The following DCC variants were observed in gnomAD, a reference collection of about 807,000 sequenced individuals.
DCC encodes the protein DCC netrin 1 receptor.
In DCC, 58 loss-of-function variants were observed where a neutral mutation model predicts 172.5. That is an observed-to-expected ratio of 0.34 (90% confidence interval 0.27 to 0.42). The LOEUF is 0.42. DCC is among the 10% of genes least tolerant of loss of function. DCC has a pLI of 1.00. For missense variants in DCC, 1,740 were observed against 1,791.0 expected, an observed-to-expected ratio of 0.97 and a Z score of 0.51; for synonymous variants, 709 against 644.5, an observed-to-expected ratio of 1.10 and a Z score of -1.52.
rs576944656 is a variant in DCC, at chr18:52,395,553, G to A, written c.91+54675G>A. Among the ~76,000 whole-genome samples the A allele has an allele frequency of 1.1e-3, 166 of 152,154 alleles. 1 individual carries two copies. Among genetic ancestry groups the A allele is most frequent in the African/African-American group, 3.9e-3 (160 of 41,526 alleles). On this transcript the variant is annotated intron_variant, in intron 1 of 28. Transcript: ENST00000442544. ...ACTCAGGCCAATAATTTAATCAGGAGAAGATTTATCAGTTGGAGTGACACA... is the reference window on the plus strand; with the variant it reads ...ACTCAGGCCAATAATTTAATCAGGAAAAGATTTATCAGTTGGAGTGACACA...
chr18:52,851,114 G>C (rs2038969447), intron 2 of DCC, among the ~76,000 whole-genome samples: 1 of 152,010 alleles, frequency 6.6e-6, no homozygotes, highest in Admixed American at 6.6e-5. Context: ...ATGTATACTT[G>C]TCTTTTTCTT....
chr18:52,648,003 G>A lies in DCC; in HGVS notation c.92-104051G>A, dbSNP rs187169148. On this transcript the variant is annotated intron_variant, in intron 1 of 28. Transcript: ENST00000442544. ...AGATTCTAAAAAAATGTTTATGGAT[G>A]TGCTGGCCCTTAGGGCTGAATCTTG... Among the ~76,000 whole-genome samples the A allele has an allele frequency of 2.6e-5, 4 of 152,336 alleles. No individual in the cohort carries two copies. In the East Asian group the frequency reaches 5.8e-4, roughly 22 times the overall value.
chr18:52,669,578 G>A lies in DCC; in HGVS notation c.92-82476G>A, dbSNP rs1393499339. ...TATAAGTCATAATTTTGCAAAGGCG[G>A]TTTCAATGGTCCATGTCTCATCTGT... On this transcript the variant is annotated intron_variant, in intron 1 of 28. Transcript: ENST00000442544. Among the ~76,000 whole-genome samples, 3 of 152,322 alleles carry A rather than the reference G, an allele frequency of 2.0e-5. No individual in the cohort carries two copies. The South Asian group carries it at 6.2e-4, about 32-fold the overall frequency.
At chr18:53,246,212 C>CTT (rs1452026649) in intron 12 of DCC, among the ~76,000 whole-genome samples, 1 of 152,038 alleles carries the variant, frequency 6.6e-6, no homozygotes, top group African/African-American at 2.4e-5. Flanking sequence ...TAGCACCCTT[C>CTT]TTTGAGATTC....
At chr18:53,057,371 A>C (rs1349745451) in intron 5 of DCC, among the ~76,000 whole-genome samples, 1 of 152,134 alleles carries the variant, frequency 6.6e-6, no homozygotes, top group Non-Finnish European at 1.5e-5. Context: ...AGTCTCCCTT[A>C]TGTATTATAC....
intron 1 of DCC, among the ~76,000 whole-genome samples, chr18:52,530,699 C>T (rs1357148649): frequency 1.3e-5 from 2 of 152,138 alleles, no homozygotes; most frequent in Non-Finnish European, 2.9e-5. Flanking sequence ...GATATGTCTT[C>T]ATTATCTTTA....
chr18:52,883,391 T>A (rs944972851), intron 2 of DCC, among the ~76,000 whole-genome samples: 3 of 82,196 alleles, frequency 3.6e-5, no homozygotes, highest in Admixed American at 1.3e-4. Flanking sequence ...TGTGTGTGTG[T>A]GAGATCTCTT....
chr18:52,700,327 G>A (rs1309719062), intron 1 of DCC, among the ~76,000 whole-genome samples: 1 of 136,170 alleles, frequency 7.3e-6, no homozygotes, highest in African/African-American at 2.8e-5. Context: ...CACACTCACG[G>A]AATGCACACC....
chr18:52,534,014 A>G (rs1377053824), intron 1 of DCC, among the ~76,000 whole-genome samples: 2 of 152,100 alleles, frequency 1.3e-5, no homozygotes, highest in Non-Finnish European at 2.9e-5. Flanking sequence ...AGGTTCAGCT[A>G]TGTTGTGGCG....
chr18:53,091,570 C>G (rs1414030961), intron 7 of DCC, among the ~76,000 whole-genome samples: 1 of 151,400 alleles, frequency 6.6e-6, no homozygotes, highest in Non-Finnish European at 1.5e-5. Flanking sequence ...GGTGAGGACC[C>G]TTTTCTGGGC....
At chr18:52,428,577 C>T (rs536323131) in intron 1 of DCC, among the ~76,000 whole-genome samples, 1 of 152,058 alleles carries the variant, frequency 6.6e-6, no homozygotes, top group Non-Finnish European at 1.5e-5. Context: ...ATAATTTAAT[C>T]AAATGTGGTT....
intron 12 of DCC, among the ~76,000 whole-genome samples, chr18:53,258,924 T>C (rs182398749): frequency 1.3e-5 from 2 of 152,314 alleles, no homozygotes; most frequent in East Asian, 1.9e-4. Context: ...TTAGGTTAGT[T>C]AGCTCTTCTT....
At chr18:52,628,530 A>C (rs917296809) in intron 1 of DCC, among the ~76,000 whole-genome samples, 1 of 152,198 alleles carries the variant, frequency 6.6e-6, no homozygotes, top group Non-Finnish European at 1.5e-5. Flanking sequence ...CAGTCATTTA[A>C]TTCCACAGAT....
At chr18:52,963,889 T>G (rs1434727934) in intron 5 of DCC, among the ~76,000 whole-genome samples, 1 of 152,046 alleles carries the variant, frequency 6.6e-6, no homozygotes, top group Non-Finnish European at 1.5e-5. Flanking sequence ...TCTTAGCCTT[T>G]GTAAGAATTG....
intron 1 of DCC, among the ~76,000 whole-genome samples, chr18:52,643,956 TG>T (rs779896525): frequency 9.4e-5 from 4 of 42,428 alleles, no homozygotes; most frequent in Non-Finnish European, 2.6e-4. Flanking sequence ...AACAGTATTT[TG>T]GTTTTTTTTT....
At chr18:52,604,026 A>AC (rs1555702243) in intron 1 of DCC, among the ~76,000 whole-genome samples, 1 of 150,122 alleles carries the variant, frequency 6.7e-6, no homozygotes, top group East Asian at 2.0e-4. Context: ...GTGAAAGGTT[A>AC]TTTTTTTTTT....
chr18:52,438,603 A>C (rs1474570997), intron 1 of DCC, among the ~76,000 whole-genome samples: 1 of 152,240 alleles, frequency 6.6e-6, no homozygotes, highest in Non-Finnish European at 1.5e-5. Context: ...GCACTTATAT[A>C]AACAAGAAAC....
intron 1 of DCC, among the ~76,000 whole-genome samples, chr18:52,697,907 T>C (rs1005440700): frequency 6.6e-6 from 1 of 152,208 alleles, no homozygotes; most frequent in Non-Finnish European, 1.5e-5. Flanking sequence ...TTCTTCATTA[T>C]CATTAAAGGG....
intron 1 of DCC, among the ~76,000 whole-genome samples, chr18:52,420,771 G>A (rs1480811599): frequency 2.6e-5 from 4 of 152,210 alleles, no homozygotes. Flanking sequence ...GGGAGAAAGG[G>A]CCTCAAATGA....
Sources: gnomAD v4.1 joint callset for allele counts (sites outside exome capture counted in the v4.1 genomes callset) on GRCh38, gnomAD v4.1.1 for gene constraint, MANE v1.5 for transcripts, NCBI Gene and HGNC (gene_info 2026-07-23, HGNC 2026-07-21) for gene names.